The following S100Z variants were observed in gnomAD, a reference collection of about 807,000 sequenced individuals.
The protein encoded by S100Z is protein S100-Z.
Under a neutral mutation model 8.5 loss-of-function variants are expected in S100Z, and 11 were observed. That is an observed-to-expected ratio of 1.30 (90% CI 0.82 to 2.15). The LOEUF (loss-of-function observed/expected upper bound fraction) is 2.15, where lower values mean the gene tolerates loss of function less well. S100Z is among the 30% of genes most tolerant of loss of function. The probability of loss-of-function intolerance (pLI) is 0.00; values close to 1 mark genes in which losing one functional copy is unlikely to be tolerated. For synonymous variants in S100Z, 34 were observed against 43.8 expected (o/e 0.78, Z 0.89); for missense variants, 126 against 117.9 (o/e 1.07, Z -0.32).
the S100Z span, among the ~76,000 whole-genome samples, chr5:76,943,139 G>A: frequency 6.6e-6 from 1 of 152,152 alleles, no homozygotes; most frequent in Non-Finnish European, 1.5e-5. Flanking sequence ...GCAGTCAGAT[G>A]GTGGCTGGAA....
intron 2 of S100Z, among the ~76,000 whole-genome samples, chr5:76,873,085 T>C (rs1190354789): frequency 6.6e-6 from 1 of 152,182 alleles, no homozygotes. Context: ...AAATGCAGCA[T>C]AGATGCTAAT....
At chr5:76,860,347 C>T (rs1751020327) in intron 1 of S100Z, among the ~76,000 whole-genome samples, 1 of 152,130 alleles carries the variant, frequency 6.6e-6, no homozygotes, top group African/African-American at 2.4e-5. Flanking sequence ...TATGGGCTTG[C>T]ATCACAGATC....
intron 1 of S100Z, among the ~76,000 whole-genome samples, chr5:76,860,728 C>T (rs1561222569): frequency 6.6e-6 from 1 of 152,144 alleles, no homozygotes; most frequent in Non-Finnish European, 1.5e-5. Flanking sequence ...TTAAGATATT[C>T]AAGGAGGTCA....
intron 1 of S100Z, among the ~76,000 whole-genome samples, chr5:76,858,317 G>T (rs1047449961): frequency 2.6e-5 from 4 of 152,160 alleles, no homozygotes; most frequent in Non-Finnish European, 5.9e-5. Context: ...GAGGTCAGGA[G>T]TTTAAGACCA....
At chr5:76,881,367 A>G (rs1651255796) in intron 4 of S100Z, among the ~76,000 whole-genome samples, 1 of 152,188 alleles carries the variant, frequency 6.6e-6, no homozygotes, top group South Asian at 2.1e-4. Context: ...GAAAGTGTCT[A>G]CCCAGACCAA....
intron 1 of S100Z, among the ~76,000 whole-genome samples, chr5:76,868,832 C>T (rs1459853019): frequency 6.6e-6 from 1 of 152,102 alleles, no homozygotes; most frequent in East Asian, 1.9e-4. Context: ...CCGTTTTGGT[C>T]AGGCTGGTCT....
rs773114438 is a variant in S100Z, at chr5:76,917,644, G to A, written c.*3-3073G>A. The stretch of plus-strand genomic sequence containing the variant: ...TCGAGACCAGCCTGGCCAACATGGC[G>A]AAACCCCATCTCTATTGAAAACACA... On this transcript the variant is annotated intron_variant, in intron 4 of 4. Coordinates refer to ENST00000317593, the MANE Select transcript of S100Z (RefSeq NM_130772.4). Among the ~76,000 whole-genome samples the A allele has an allele frequency of 3.5e-4, 53 of 152,114 alleles. 1 individual carries two copies. The highest frequency in any genetic ancestry group is 6.8e-3 in the Middle Eastern group (2 of 294).
At chr5:76,863,676 C>T (rs966521057) in intron 1 of S100Z, among the ~76,000 whole-genome samples, 16 of 151,980 alleles carry the variant, frequency 1.1e-4, no homozygotes, top group South Asian at 2.1e-4. Flanking sequence ...GTAGCTGGGA[C>T]TACAGGCACC....
intron 1 of S100Z, among the ~76,000 whole-genome samples, chr5:76,856,645 A>G (rs1579989850): frequency 6.6e-6 from 1 of 152,242 alleles, no homozygotes; most frequent in East Asian, 1.9e-4. Flanking sequence ...GGAAGCCACA[A>G]ACAATTTAAT....
At chr5:76,899,099 A>G (rs1744145134) in intron 4 of S100Z, among the ~76,000 whole-genome samples, 2 of 151,730 alleles carry the variant, frequency 1.3e-5, no homozygotes, top group Non-Finnish European at 2.9e-5. Context: ...ACGTGCCACC[A>G]CACCTGGTTA....
At chr5:76,850,313 A>C (rs1750684998) in intron 1 of S100Z, among the ~76,000 whole-genome samples, 158 bp downstream of exon 1, 1 of 112,134 alleles carries the variant, frequency 8.9e-6, no homozygotes, top group Non-Finnish European at 1.7e-5. Flanking sequence ...TACCTTGGCC[A>C]CAAAGGGGTC....
chr5:76,932,127 T>C, the S100Z span, among the ~76,000 whole-genome samples: 2 of 152,154 alleles, frequency 1.3e-5, no homozygotes, highest in African/African-American at 4.8e-5. Context: ...GGTTGTAAAC[T>C]CAAGCATTTA....
At chr5:76,926,154 G>A (rs1745133123), downstream of S100Z, among the ~76,000 whole-genome samples, 4 of 151,770 alleles carry the variant, frequency 2.6e-5, no homozygotes, top group South Asian at 8.3e-4. Context: ...TTTTTTTTCT[G>A]AGGAATGATG....
intron 1 of S100Z, among the ~76,000 whole-genome samples, chr5:76,851,268 G>A (rs1274223889): frequency 6.6e-6 from 1 of 152,120 alleles, no homozygotes; most frequent in Non-Finnish European, 1.5e-5. Context: ...GGCACACTGC[G>A]GGGAGTTTAG....
chr5:76,897,410 T>G (rs1744074736), intron 4 of S100Z, among the ~76,000 whole-genome samples: 1 of 151,632 alleles, frequency 6.6e-6, no homozygotes, highest in South Asian at 2.1e-4. Flanking sequence ...GCCACTGCAC[T>G]CCAGCCTGGG....
chr5:76,858,099 T>G (rs779290457), intron 1 of S100Z, among the ~76,000 whole-genome samples: 37 of 152,204 alleles, frequency 2.4e-4, no homozygotes, highest in Non-Finnish European at 4.9e-4. Context: ...GCCCCTCTCC[T>G]GAGGCTATCA....
At chr5:76,906,970 GTGTGTGTA>G (rs1424068042) in intron 4 of S100Z, among the ~76,000 whole-genome samples, 59 of 26,074 alleles carry the variant, frequency 2.3e-3, no homozygotes, top group African/African-American at 0.016. Flanking sequence ...ATTCCATTGT[GTGTGTGTA>G]TATATATATA....
At chr5:76,919,208 G>T (rs1744956210) in intron 4 of S100Z, among the ~76,000 whole-genome samples, 1 of 152,086 alleles carries the variant, frequency 6.6e-6, no homozygotes, top group Admixed American at 6.6e-5. Flanking sequence ...AAATATCAAG[G>T]GACACAACTA....
chr5:76,899,553 C>T (rs1163307051), intron 4 of S100Z, among the ~76,000 whole-genome samples: 1 of 152,094 alleles, frequency 6.6e-6, no homozygotes. Context: ...AAGGTTTGCA[C>T]ATACTATGTT....
Sources: allele counts gnomAD v4.1 joint callset (sites outside exome capture counted in the v4.1 genomes callset), GRCh38; gene constraint gnomAD v4.1.1; transcripts MANE v1.5; gene names NCBI Gene and HGNC (gene_info 2026-07-23, HGNC 2026-07-21).